Variants in ELMO1 observed in about 807,000 individuals in gnomAD.
ELMO1 encodes the protein engulfment and cell motility protein 1.
ELMO1 carries 26 observed loss-of-function variants against 98.9 expected under a neutral mutation model. The observed-to-expected ratio is 0.26, with a 90% CI of 0.19 to 0.36. The LOEUF (loss-of-function observed/expected upper bound fraction) is 0.36. Ranked by LOEUF, ELMO1 falls within the 10% of genes least tolerant of loss-of-function variation. The pLI is 1.00. For synonymous variants in ELMO1, 346 were observed against 346.0 expected, an observed-to-expected ratio of 1.00 and a Z score of 0.00; for missense variants, 627 against 935.2, an observed-to-expected ratio of 0.67 and a Z score of 4.30.
chr7:37,184,298 G>A (rs1791062172), intron 13 of ELMO1, among the ~76,000 whole-genome samples: 1 of 152,154 alleles, frequency 6.6e-6, no homozygotes, highest in Admixed American at 6.5e-5. Context: ...CTACAAGTCT[G>A]GTCTTAGTGA....
intron 16 of ELMO1, among the ~76,000 whole-genome samples, chr7:36,924,554 T>C (rs1404526465): frequency 6.6e-6 from 1 of 152,232 alleles, no homozygotes; most frequent in African/African-American, 2.4e-5. Context: ...GTGGAAACAC[T>C]GAGTAAAAAT....
At chr7:37,010,874 G>A (rs7779371) in intron 16 of ELMO1, among the ~76,000 whole-genome samples, 38,376 of 152,050 alleles carry the variant, frequency 0.25, 5,917 homozygotes, top group African/African-American at 0.44. Context: ...GAAAAAAAGA[G>A]AAAAAAAGCA....
At chr7:37,320,717 C>T (rs1366433026) in intron 2 of ELMO1, among the ~76,000 whole-genome samples, 1 of 152,148 alleles carries the variant, frequency 6.6e-6, no homozygotes, top group Non-Finnish European at 1.5e-5. Flanking sequence ...CCCCTCAGTA[C>T]TAGTTACCAC....
intron 18 of ELMO1, among the ~76,000 whole-genome samples, chr7:36,885,360 A>G (rs1804878477): frequency 6.9e-6 from 1 of 144,924 alleles, no homozygotes; most frequent in Non-Finnish European, 1.5e-5. Flanking sequence ...AACAACAACA[A>G]ACCCTGTAGT....
At chr7:37,075,267 C>T (rs1797510462) in intron 15 of ELMO1, among the ~76,000 whole-genome samples, 1 of 151,834 alleles carries the variant, frequency 6.6e-6, no homozygotes, top group Non-Finnish European at 1.5e-5. Flanking sequence ...CTGCCTCAGC[C>T]TCCCAAGTAG....
At chr7:36,984,020 T>G (rs1031301624) in intron 16 of ELMO1, among the ~76,000 whole-genome samples, 1 of 152,084 alleles carries the variant, frequency 6.6e-6, no homozygotes, top group Admixed American at 6.5e-5. Context: ...AGCTGGTTTC[T>G]TCTCTCATTC....
At chr7:37,028,306 T>A (rs1365071409) in intron 15 of ELMO1, among the ~76,000 whole-genome samples, 2 of 152,174 alleles carry the variant, frequency 1.3e-5, no homozygotes, top group Admixed American at 6.5e-5. Flanking sequence ...TCTAGAAAGC[T>A]TATTTGCCGT....
chr7:36,900,493 G>C (rs1290375847), intron 16 of ELMO1, among the ~76,000 whole-genome samples: 1 of 152,192 alleles, frequency 6.6e-6, no homozygotes. Flanking sequence ...CTGCCAACAA[G>C]GTTTATAAAG....
At chr7:37,083,658 A>G (rs895670036) in intron 15 of ELMO1, among the ~76,000 whole-genome samples, 2 of 152,194 alleles carry the variant, frequency 1.3e-5, no homozygotes, top group African/African-American at 4.8e-5. Flanking sequence ...GGGATCTAAA[A>G]CTGTGTCCTG....
chr7:37,185,233 G>C (rs1224146700), intron 13 of ELMO1, among the ~76,000 whole-genome samples: 1 of 152,164 alleles, frequency 6.6e-6, no homozygotes, highest in Admixed American at 6.6e-5. Flanking sequence ...ATTAGAAACT[G>C]CTTCTATGCT....
At chr7:37,127,985 G>A (rs1786649266) in intron 14 of ELMO1, among the ~76,000 whole-genome samples, 1 of 152,136 alleles carries the variant, frequency 6.6e-6, no homozygotes, top group Non-Finnish European at 1.5e-5. Flanking sequence ...CTGAGGTCAG[G>A]AGTTCAAGAC....
chr7:36,979,717 G>C (rs1356998443), intron 16 of ELMO1, among the ~76,000 whole-genome samples: 1 of 152,196 alleles, frequency 6.6e-6, no homozygotes, highest in African/African-American at 2.4e-5. Flanking sequence ...ATATGACAAA[G>C]TTTCTGAAAT....
intron 16 of ELMO1, among the ~76,000 whole-genome samples, chr7:36,956,756 T>C (rs1270158117): frequency 6.6e-6 from 1 of 152,216 alleles, no homozygotes; most frequent in Non-Finnish European, 1.5e-5. Flanking sequence ...ATTTTTTAAA[T>C]GACTACTTTG....
At chr7:37,131,296 T>C (rs2541095) in intron 14 of ELMO1, among the ~76,000 whole-genome samples, 26,519 of 152,064 alleles carry the variant, frequency 0.17, 2,650 homozygotes, top group African/African-American at 0.28. Flanking sequence ...GAAAAGTGCA[T>C]GTGGACCAAA....
chr7:37,438,694 A>C (rs917828008), intron 1 of ELMO1, among the ~76,000 whole-genome samples: 1 of 152,140 alleles, frequency 6.6e-6, no homozygotes, highest in Non-Finnish European at 1.5e-5. Flanking sequence ...TACAATCATG[A>C]TTGCATTTAA....
intron 1 of ELMO1, among the ~76,000 whole-genome samples, chr7:37,345,355 G>A (rs1048554475): frequency 6.6e-6 from 1 of 152,092 alleles, no homozygotes; most frequent in African/African-American, 2.4e-5. Context: ...TGTGGGAGGG[G>A]CAGGAATACA....
chr7:37,416,604 T>C (rs1804226771), intron 1 of ELMO1, among the ~76,000 whole-genome samples: 1 of 152,240 alleles, frequency 6.6e-6, no homozygotes, highest in South Asian at 2.1e-4. Flanking sequence ...GGGCCACATT[T>C]GCTTACAACA....
At chr7:36,942,533 A>G (rs1219805528) in intron 16 of ELMO1, among the ~76,000 whole-genome samples, 1 of 152,208 alleles carries the variant, frequency 6.6e-6, no homozygotes, top group Non-Finnish European at 1.5e-5. Context: ...TATGACATGG[A>G]TGGGGATTTC....
chr7:37,241,731 G>A (rs1007693127), intron 7 of ELMO1, among the ~76,000 whole-genome samples: 6 of 152,134 alleles, frequency 3.9e-5, no homozygotes, highest in Non-Finnish European at 5.9e-5. Flanking sequence ...CTACTTAAAC[G>A]GAAGATTATA....
Sources: gnomAD v4.1 joint callset for allele counts (sites outside exome capture counted in the v4.1 genomes callset) on GRCh38, gnomAD v4.1.1 for gene constraint, MANE v1.5 for transcripts, NCBI Gene and HGNC (gene_info 2026-07-23, HGNC 2026-07-21) for gene names.